The following AGBL1 variants were observed in gnomAD, a reference collection of about 807,000 sequenced individuals.
AGBL1 encodes AGBL carboxypeptidase 1.
AGBL1 carries 130 observed loss-of-function variants against 118.9 expected under a neutral mutation model. The observed-to-expected ratio is 1.09, with a 90% CI of 0.95 to 1.26. AGBL1 has a LOEUF of 1.26. AGBL1 is among the 50% of genes most tolerant of loss of function. The probability of loss-of-function intolerance (pLI) is 0.00; values close to 1 mark genes in which losing one functional copy is unlikely to be tolerated. For missense variants in AGBL1, 1,584 were observed against 1,298.1 expected (o/e 1.22, Z -3.38); for synonymous variants, 555 against 478.9 (o/e 1.16, Z -2.08).
chr15:86,717,822 G>A (rs561466367), intron 22 of AGBL1, among the ~76,000 whole-genome samples: 1 of 152,204 alleles, frequency 6.6e-6, no homozygotes, highest in Non-Finnish European at 1.5e-5. Flanking sequence ...GCTCACGCCT[G>A]TAATCTCAGC....
intron 22 of AGBL1, among the ~76,000 whole-genome samples, chr15:86,793,753 C>T (rs1489749373): frequency 1.3e-5 from 2 of 152,074 alleles, no homozygotes; most frequent in Admixed American, 6.6e-5. Flanking sequence ...ATACATTCAA[C>T]AACAAAAAGA....
At chr15:86,646,753 C>G (rs762504754) in intron 21 of AGBL1, among the ~76,000 whole-genome samples, 121 of 152,156 alleles carry the variant, frequency 8.0e-4, no homozygotes, top group Non-Finnish European at 1.6e-3. Flanking sequence ...ACCTTGATCA[C>G]ATTATTTTCA....
chr15:86,094,417 A>G (rs561770959), intron 1 of AGBL1, among the ~76,000 whole-genome samples: 13 of 152,250 alleles, frequency 8.5e-5, no homozygotes, highest in African/African-American at 2.9e-4. Context: ...TTTAATTTGA[A>G]ATAGAGAAGA....
At position 86,305,268 on chromosome 15, in the gene AGBL1, T is replaced by C. The variant is rs1390864; in HGVS notation, c.2374+9860T>C. On this transcript the variant is annotated intron_variant, in intron 17 of 22. Transcript: ENST00000614907. ...ATGTGGTTTTCATAAAGCAAAACAA[T>C]ACAATTTATTGTTCATGGATATTTA... 3.1e-4 allele frequency among the ~76,000 whole-genome samples: 47 copies of C among 152,272 alleles called. No homozygotes were observed. The East Asian group carries it at 7.9e-3, about 26-fold the overall frequency.
chr15:86,290,691 T>A (rs559328851), intron 16 of AGBL1, among the ~76,000 whole-genome samples: 22 of 151,258 alleles, frequency 1.5e-4, no homozygotes, highest in East Asian at 5.8e-4. Context: ...TTATTTTTTT[T>A]ATTTTATTAT....
chr15:86,983,961 T>C (rs1247454460), intron 23 of AGBL1, among the ~76,000 whole-genome samples: 3 of 152,196 alleles, frequency 2.0e-5, no homozygotes, highest in Non-Finnish European at 2.9e-5. Flanking sequence ...AGGTGTTTCT[T>C]ATTAATTTGG....
intron 18 of AGBL1, among the ~76,000 whole-genome samples, chr15:86,485,682 C>T (rs1290383644): frequency 1.3e-5 from 2 of 152,082 alleles, no homozygotes; most frequent in Admixed American, 1.3e-4. Flanking sequence ...AGCTCATGGG[C>T]TATACAAAAG....
downstream of AGBL1, among the ~76,000 whole-genome samples, chr15:86,917,179 G>A (rs1408360155): frequency 6.6e-6 from 1 of 152,104 alleles, no homozygotes; most frequent in Non-Finnish European, 1.5e-5. This position sits in a 1 kb window ranked among gnomAD's most constrained non-coding sequence, Gnocchi z 4.8. Context: ...ATGGGGGAGA[G>A]GCGTGGCTGC....
At chr15:86,422,094 GA>G (rs2081799090) in intron 18 of AGBL1, among the ~76,000 whole-genome samples, 1 of 152,126 alleles carries the variant, frequency 6.6e-6, no homozygotes, top group African/African-American at 2.4e-5. Context: ...AGACCAAGTG[GA>G]CCTAATAGAC....
chr15:86,196,882 C>CAA (rs2077819966), intron 5 of AGBL1, among the ~76,000 whole-genome samples: 1 of 63,974 alleles, frequency 1.6e-5, no homozygotes, highest in Non-Finnish European at 3.8e-5. Flanking sequence ...CGCGCGCGCA[C>CAA]ACACACACAC....
chr15:86,231,626 G>T (rs1403379773), intron 6 of AGBL1, among the ~76,000 whole-genome samples: 1 of 152,168 alleles, frequency 6.6e-6, no homozygotes, highest in Non-Finnish European at 1.5e-5. Flanking sequence ...AGTATGTCAG[G>T]CACTCTATAC....
rs372312880 is a variant in AGBL1 at position 86,698,536 on chromosome 15, T to C, written c.3158+24100T>C. Among the ~76,000 whole-genome samples the C allele has an allele frequency of 3.1e-3, 467 of 152,004 alleles. 1 individual carries two copies. Among genetic ancestry groups the C allele is most frequent in the Non-Finnish European group, 5.0e-3 (341 of 67,946 alleles). ...GATGTTCTTTAGGGGAGATAATCCA[T>C]GGAAGTAAAACAATATATTGTTGCA... On this transcript the variant is annotated intron_variant, in intron 22 of 22. Transcript: ENST00000614907.
chr15:86,570,328 A>T (rs187375503), intron 21 of AGBL1, among the ~76,000 whole-genome samples: 35 of 152,372 alleles, frequency 2.3e-4, no homozygotes, highest in Middle Eastern at 3.4e-3. Flanking sequence ...AGGATGAGTC[A>T]GAAAATAGGG....
chr15:86,282,128 G>C (rs1257602567), intron 16 of AGBL1, among the ~76,000 whole-genome samples: 1 of 152,086 alleles, frequency 6.6e-6, no homozygotes, highest in African/African-American at 2.4e-5. Flanking sequence ...CACAGTTTCA[G>C]ATAAGAATAC....
intron 17 of AGBL1, among the ~76,000 whole-genome samples, chr15:86,385,462 C>T (rs1260258227): frequency 6.6e-6 from 1 of 152,140 alleles, no homozygotes; most frequent in Non-Finnish European, 1.5e-5. Flanking sequence ...TGCATTTCAG[C>T]AAGATCTCCA....
intron 22 of AGBL1, among the ~76,000 whole-genome samples, chr15:86,749,938 C>T (rs965978460): frequency 8.5e-5 from 13 of 152,106 alleles, no homozygotes; most frequent in Admixed American, 1.3e-4. Context: ...ATTTTTGCAA[C>T]GATATTCATC....
At chr15:86,558,289 A>G (rs2083764154) in intron 21 of AGBL1, among the ~76,000 whole-genome samples, 1 of 152,242 alleles carries the variant, frequency 6.6e-6, no homozygotes, top group African/African-American at 2.4e-5. Flanking sequence ...GCTTGTAACT[A>G]AAGGACCCCA....
chr15:86,534,706 C>G (rs1240504248), intron 19 of AGBL1, among the ~76,000 whole-genome samples: 1 of 151,994 alleles, frequency 6.6e-6, no homozygotes, highest in Non-Finnish European at 1.5e-5. Flanking sequence ...CAAAACTAAA[C>G]CAAAAAATGA....
intron 16 of AGBL1, among the ~76,000 whole-genome samples, chr15:86,286,709 A>G (rs7496746): frequency 7.3e-6 from 1 of 136,620 alleles, no homozygotes; most frequent in Non-Finnish European, 1.6e-5. Context: ...GTGTGTGTAT[A>G]TATATGTGTG....
Sources: gnomAD v4.1 joint callset for allele counts (sites outside exome capture counted in the v4.1 genomes callset) on GRCh38, gnomAD v4.1.1 for gene constraint, Gnocchi (gnomAD v3.1) non-coding constraint, MANE v1.5 for transcripts, NCBI Gene and HGNC (gene_info 2026-07-23, HGNC 2026-07-21) for gene names.